Variants in BTRC observed in about 807,000 individuals in gnomAD.
The protein encoded by BTRC is beta-transducin repeat containing E3 ubiquitin protein ligase.
Under a neutral mutation model 85.5 loss-of-function variants are expected in BTRC, and 42 were observed. That is an observed-to-expected ratio of 0.49 (90% CI 0.38 to 0.64). The LOEUF (loss-of-function observed/expected upper bound fraction) is 0.64, where lower values mean the gene tolerates loss of function less well. BTRC is among the 30% of genes least tolerant of loss of function. The pLI, the probability that BTRC is intolerant of heterozygous loss-of-function variation, is 0.00. For synonymous variants in BTRC, 255 were observed against 263.3 expected, an observed-to-expected ratio of 0.97 and a Z score of 0.30; for missense variants, 594 against 743.5, an observed-to-expected ratio of 0.80 and a Z score of 2.34.
intron 4 of BTRC, among the ~76,000 whole-genome samples, chr10:101,518,030 A>G (rs942286757): frequency 1.4e-5 from 2 of 147,236 alleles, no homozygotes; most frequent in Admixed American, 1.4e-4. Context: ...CTCCTGCCTC[A>G]GCCTCCCAAG....
At chr10:101,399,055 C>T (rs955601935) in intron 1 of BTRC, among the ~76,000 whole-genome samples, 3 of 152,176 alleles carry the variant, frequency 2.0e-5, no homozygotes, top group Admixed American at 1.3e-4. Flanking sequence ...TGGGCTCAAG[C>T]GATTCTCCTG....
At chr10:101,424,079 C>G (rs1185375201) in intron 1 of BTRC, among the ~76,000 whole-genome samples, 1 of 152,064 alleles carries the variant, frequency 6.6e-6, no homozygotes, top group Non-Finnish European at 1.5e-5. Flanking sequence ...ACCAAAAATA[C>G]AAAAATTAGT....
At chr10:101,431,005 A>G (rs1413431436) in intron 2 of BTRC, among the ~76,000 whole-genome samples, 4 of 147,652 alleles carry the variant, frequency 2.7e-5, no homozygotes, top group Non-Finnish European at 4.5e-5. Context: ...TAGGTACAGT[A>G]TTCACCTTGA....
intron 2 of BTRC, among the ~76,000 whole-genome samples, chr10:101,451,293 C>G (rs1486923220): frequency 2.0e-5 from 3 of 151,964 alleles, no homozygotes; most frequent in African/African-American, 7.3e-5. Context: ...TAATTTTAAT[C>G]CTTCCTTTCT....
intron 1 of BTRC, among the ~76,000 whole-genome samples, chr10:101,358,915 T>C (rs994711065): frequency 2.0e-5 from 3 of 152,112 alleles, no homozygotes; most frequent in Non-Finnish European, 4.4e-5. Flanking sequence ...GAAGGGGGAA[T>C]TGCTGGGGGC....
At chr10:101,385,739 A>G (rs1461049243) in intron 1 of BTRC, among the ~76,000 whole-genome samples, 1 of 149,966 alleles carries the variant, frequency 6.7e-6, no homozygotes, top group Non-Finnish European at 1.5e-5. Flanking sequence ...AGACACACAC[A>G]CACACATATG....
chr10:101,513,476 C>T (rs535248123), intron 4 of BTRC, among the ~76,000 whole-genome samples: 1 of 152,320 alleles, frequency 6.6e-6, no homozygotes, highest in East Asian at 1.9e-4. Flanking sequence ...AACCACTGAT[C>T]TGTTTTTCTA....
chr10:101,455,289 C>G (rs1339041885), intron 2 of BTRC, among the ~76,000 whole-genome samples: 2 of 151,292 alleles, frequency 1.3e-5, no homozygotes, highest in Non-Finnish European at 2.9e-5. Flanking sequence ...ACTCCTGGCC[C>G]CAAGCAATCC....
At chr10:101,389,160 C>T (rs186884542) in intron 1 of BTRC, among the ~76,000 whole-genome samples, 1 of 109,442 alleles carries the variant, frequency 9.1e-6, no homozygotes, top group African/African-American at 3.6e-5. Context: ...CTGATCTTCC[C>T]ATACTAATAA....
At chr10:101,539,708 G>T (rs1202899967) in intron 13 of BTRC, among the ~76,000 whole-genome samples, 2 of 152,276 alleles carry the variant, frequency 1.3e-5, no homozygotes, top group East Asian at 3.9e-4. Flanking sequence ...AGATGACTAG[G>T]TCATATGGTA....
chr10:101,494,160 A>G (rs775565035), intron 4 of BTRC, among the ~76,000 whole-genome samples: 5 of 152,216 alleles, frequency 3.3e-5, no homozygotes, highest in Non-Finnish European at 5.9e-5. Flanking sequence ...CTTAGAATGA[A>G]TGTGGCCAGG....
chr10:101,537,629 C>T (rs1396427865), intron 12 of BTRC, among the ~76,000 whole-genome samples: 3 of 152,228 alleles, frequency 2.0e-5, no homozygotes, highest in African/African-American at 7.2e-5. Flanking sequence ...CAGAAACTAA[C>T]AACATTATTT....
chr10:101,449,528 T>C (rs994485376), intron 2 of BTRC, among the ~76,000 whole-genome samples: 3 of 152,060 alleles, frequency 2.0e-5, no homozygotes, highest in East Asian at 1.9e-4. Context: ...TTTGTAAATA[T>C]GGCAGCAAAG....
intron 3 of BTRC, among the ~76,000 whole-genome samples, chr10:101,468,475 G>A (rs1186649039): frequency 6.6e-6 from 1 of 152,050 alleles, no homozygotes; most frequent in African/African-American, 2.4e-5. Context: ...AAAACAACAC[G>A]GAATGATAGC....
chr10:101,360,830 C>T (rs1942185474), intron 1 of BTRC, among the ~76,000 whole-genome samples: 1 of 152,118 alleles, frequency 6.6e-6, no homozygotes, highest in Non-Finnish European at 1.5e-5. Flanking sequence ...TACTTTCTAG[C>T]AGTATTTTAT....
At chr10:101,424,015 A>C (rs1944179757) in intron 1 of BTRC, among the ~76,000 whole-genome samples, 1 of 152,146 alleles carries the variant, frequency 6.6e-6, no homozygotes, top group Admixed American at 6.5e-5. Context: ...GGATCACCTG[A>C]GTTCAGGAGT....
At chr10:101,527,795 TACACACAC>T (rs5787437) in intron 6 of BTRC, among the ~76,000 whole-genome samples, 2 of 145,324 alleles carry the variant, frequency 1.4e-5, no homozygotes, top group Non-Finnish European at 3.0e-5. Context: ...CTCTCTCACA[TACACACAC>T]ACACACACAC....
At chr10:101,534,944 A>G in intron 10 of BTRC, 34 bp downstream of exon 10, 1 of 1,595,784 alleles carries the variant, frequency 6.3e-7, no homozygotes, top group South Asian at 1.1e-5. Context: ...TTTCCAACTT[A>G]GAATGGGGGA....
Position 101,526,007 on chromosome 10 carries a change from T to G in BTRC, c.557-6T>G. 1 of 1,612,202 alleles carries G rather than the reference T, an allele frequency of 6.2e-7. No homozygotes were observed. Among genetic ancestry groups the G allele is most frequent in the South Asian group, 1.1e-5 (1 of 90,788 alleles). ...CTTTTTCTTTGCCTCCTCCCCCTAC[T>G]GAAAGCTCGGGGATTGGATCATATT... On this transcript the variant is annotated splice_region_variant and splice_polypyrimidine_tract_variant and intron_variant, in intron 5 of 14. Coordinates refer to ENST00000370187, the MANE Select transcript of BTRC (RefSeq NM_033637.4).
Sources: allele counts gnomAD v4.1 joint callset (sites outside exome capture counted in the v4.1 genomes callset), GRCh38; gene constraint gnomAD v4.1.1; transcripts MANE v1.5; gene names NCBI Gene and HGNC (gene_info 2026-07-23, HGNC 2026-07-21).